MCF2L2: variants seen among roughly 807,000 people sequenced by gnomAD.
MCF2L2 encodes probable guanine nucleotide exchange factor MCF2L2.
MCF2L2 carries 102 observed loss-of-function variants against 150.2 expected under a neutral mutation model. That is an observed-to-expected ratio of 0.68 (90% CI 0.58 to 0.80). The LOEUF is 0.80. Ranked by LOEUF, MCF2L2 falls within the 30% of genes least tolerant of loss-of-function variation. The probability of loss-of-function intolerance (pLI) is 0.00; values close to 1 mark genes in which losing one functional copy is unlikely to be tolerated. For missense variants in MCF2L2, 1,256 were observed against 1,372.8 expected, an observed-to-expected ratio of 0.91 and a Z score of 1.34; for synonymous variants, 465 against 491.3, an observed-to-expected ratio of 0.95 and a Z score of 0.71.
At chr3:183,248,617 T>C (rs1226578081) in intron 15 of MCF2L2, among the ~76,000 whole-genome samples, 1 of 152,120 alleles carries the variant, frequency 6.6e-6, no homozygotes, top group African/African-American at 2.4e-5. Flanking sequence ...GGTGGATCGC[T>C]TGAGCCCAGG....
intron 20 of MCF2L2, 111 bp from the exon 21 acceptor site, chr3:183,220,035 T>A: frequency 1.3e-6 from 1 of 755,200 alleles, no homozygotes. Context: ...CTAAGCTGAC[T>A]GAGAACGTGT....
At chr3:183,368,813 T>G (rs1712689889) in intron 3 of MCF2L2, among the ~76,000 whole-genome samples, 1 of 152,174 alleles carries the variant, frequency 6.6e-6, no homozygotes, top group African/African-American at 2.4e-5. Context: ...ACAGAAAAAG[T>G]TGGCCGACCT....
At chr3:183,260,765 C>T (rs1725511368) in intron 15 of MCF2L2, among the ~76,000 whole-genome samples, 1 of 151,830 alleles carries the variant, frequency 6.6e-6, no homozygotes, top group South Asian at 2.1e-4. Context: ...CCTGGATTCA[C>T]ATTGTAGGTT....
At chr3:183,214,833 A>C (rs1382972882) in intron 22 of MCF2L2, among the ~76,000 whole-genome samples, 1 of 151,140 alleles carries the variant, frequency 6.6e-6, no homozygotes. Context: ...AAAAATACAA[A>C]AAAAAAAAAA....
intron 15 of MCF2L2, among the ~76,000 whole-genome samples, chr3:183,266,584 T>C (rs1726147258): frequency 6.6e-6 from 1 of 152,176 alleles, no homozygotes; most frequent in Admixed American, 6.5e-5. Context: ...GGATGAGCAC[T>C]GTGGAAAGAC....
At chr3:183,347,703 T>C (rs551135297) in intron 3 of MCF2L2, among the ~76,000 whole-genome samples, 1 of 152,002 alleles carries the variant, frequency 6.6e-6, no homozygotes, top group Non-Finnish European at 1.5e-5. Flanking sequence ...TAAACAAATT[T>C]ACCAGAAAAA....
chr3:183,400,614 C>T (rs183391988), intron 1 of MCF2L2: 82 of 367,542 alleles, frequency 2.2e-4, no homozygotes, highest in Admixed American at 1.1e-3. Context: ...GAGGTCATTT[C>T]GTGGCCGAGA....
chr3:183,347,045 T>G (rs907840497), intron 3 of MCF2L2, among the ~76,000 whole-genome samples: 1 of 152,136 alleles, frequency 6.6e-6, no homozygotes. Context: ...TTCACAGAAT[T>G]AGAAAAAACT....
At chr3:183,202,287 T>C (rs1427988003) in intron 25 of MCF2L2, among the ~76,000 whole-genome samples, 1 of 152,240 alleles carries the variant, frequency 6.6e-6, no homozygotes, top group Admixed American at 6.5e-5. Flanking sequence ...TTGTTTAACT[T>C]CTTGGTTGCT....
At chr3:183,423,628 A>ATTTGTT (rs1715999192) in intron 1 of MCF2L2, among the ~76,000 whole-genome samples, 1 of 100,670 alleles carries the variant, frequency 9.9e-6, no homozygotes, top group Non-Finnish European at 2.1e-5. Flanking sequence ...TTTAAATTTT[A>ATTTGTT]TTTGTTTTTT....
intron 14 of MCF2L2, among the ~76,000 whole-genome samples, chr3:183,288,417 C>T (rs1360151527): frequency 6.6e-6 from 1 of 152,006 alleles, no homozygotes; most frequent in African/African-American, 2.4e-5. Context: ...TCAGGGTTCA[C>T]CAGTTATTCA....
chr3:183,225,147 T>G (rs1388046543), intron 18 of MCF2L2: 1 of 152,392 alleles, frequency 6.6e-6, no homozygotes, highest in Non-Finnish European at 1.5e-5. Context: ...GCTTCAATGA[T>G]GCCTGTTCTA....
At chr3:183,190,147 C>T (rs1287221532) in intron 27 of MCF2L2, among the ~76,000 whole-genome samples, 1 of 152,208 alleles carries the variant, frequency 6.6e-6, no homozygotes, top group Admixed American at 6.5e-5. Context: ...ACTCTACCTT[C>T]CTGATAGATA....
At chr3:183,386,648 C>G (rs1713847251) in intron 2 of MCF2L2, among the ~76,000 whole-genome samples, 1 of 152,214 alleles carries the variant, frequency 6.6e-6, no homozygotes, top group African/African-American at 2.4e-5. Flanking sequence ...CTTTACCTTA[C>G]TTGCCTGAAT....
intron 3 of MCF2L2, among the ~76,000 whole-genome samples, chr3:183,364,818 T>C (rs904049445): frequency 1.3e-5 from 2 of 152,128 alleles, no homozygotes; most frequent in Admixed American, 6.5e-5. Context: ...TACGAAAATA[T>C]AGGTTACTTA....
intron 1 of MCF2L2, among the ~76,000 whole-genome samples, chr3:183,419,184 C>A (rs1025881925): frequency 1.3e-5 from 2 of 152,252 alleles, no homozygotes. Context: ...CCCCTTTTAG[C>A]CACAGCTACA....
At chr3:183,264,755 T>A (rs1308122688) in intron 15 of MCF2L2, among the ~76,000 whole-genome samples, 2 of 152,196 alleles carry the variant, frequency 1.3e-5, no homozygotes, top group Non-Finnish European at 1.5e-5. Flanking sequence ...AATCAGGGAT[T>A]ATTGCAGGGA....
At position 183,351,189 on chromosome 3, in the gene MCF2L2, A is replaced by AGT. The variant is rs1491416726; in HGVS notation, c.276-9561_276-9560dup. Among the ~76,000 whole-genome samples, 403 of 59,778 alleles carry AGT rather than the reference A, an allele frequency of 6.7e-3. 11 individuals carry two copies. The highest frequency in any genetic ancestry group is 0.014 in the East Asian group (35 of 2,566). The allele number at this position is 59,778 out of a possible 152,430, so 39.2% of individuals were successfully genotyped here. ...GGTGTGTGTGATATTTATTTTCTTA[A>AGT]GTATATATATATATATATATATATA... On this transcript the variant is annotated intron_variant, in intron 3 of 29. Coordinates refer to ENST00000328913, the MANE Select transcript of MCF2L2 (RefSeq NM_015078.4).
At chr3:183,191,205 TC>T (rs1415924811) in intron 27 of MCF2L2, among the ~76,000 whole-genome samples, 1 of 152,170 alleles carries the variant, frequency 6.6e-6, no homozygotes, top group Non-Finnish European at 1.5e-5. Flanking sequence ...AGTTTTAGGT[TC>T]ACAGAAAAAC....
Sources: allele counts gnomAD v4.1 joint callset (sites outside exome capture counted in the v4.1 genomes callset), GRCh38; gene constraint gnomAD v4.1.1; transcripts MANE v1.5; gene names NCBI Gene and HGNC (gene_info 2026-07-23, HGNC 2026-07-21).